Variants in MSI2 observed in about 807,000 individuals in gnomAD.
The protein encoded by MSI2 is RNA-binding protein Musashi homolog 2.
MSI2 carries 17 observed loss-of-function variants against 45.6 expected under a neutral mutation model. The ratio of observed to expected loss-of-function variants is 0.37; its 90% CI spans 0.26 to 0.56. The LOEUF is 0.56. Among genes scored for constraint, MSI2 ranks in the 20% least tolerant of loss-of-function variants. MSI2 has a pLI of 0.77. For missense variants in MSI2, 293 were observed against 444.2 expected, an observed-to-expected ratio of 0.66 and a Z score of 3.06; for synonymous variants, 156 against 158.2, an observed-to-expected ratio of 0.99 and a Z score of 0.11.
At chr17:57,350,225 GGTGTGTGTGT>G (rs58596259) in intron 5 of MSI2, among the ~76,000 whole-genome samples, 39 of 146,746 alleles carry the variant, frequency 2.7e-4, no homozygotes, top group African/African-American at 9.0e-4. Flanking sequence ...CAGAGGTAGG[GGTGTGTGTGT>G]GTGTGTGTGT....
At chr17:57,534,198 G>A (rs1174467423) in intron 7 of MSI2, among the ~76,000 whole-genome samples, 1 of 152,218 alleles carries the variant, frequency 6.6e-6, no homozygotes, top group East Asian at 1.9e-4. Context: ...TGGAGCTCAG[G>A]CTCTTACACT....
intron 6 of MSI2, among the ~76,000 whole-genome samples, chr17:57,435,968 G>A (rs1240618784): frequency 6.6e-6 from 1 of 152,222 alleles, no homozygotes; most frequent in African/African-American, 2.4e-5. Flanking sequence ...CCTTGAATAA[G>A]GGTCAGAGCC....
intron 6 of MSI2, chr17:57,450,292 A>AAAGAAAGT (rs2084985659): frequency 7.1e-6 from 1 of 140,532 alleles, no homozygotes; most frequent in African/African-American, 2.5e-5. Flanking sequence ...AGAAAGAAAG[A>AAAGAAAGT]AAGAAAGAAA....
intron 6 of MSI2, among the ~76,000 whole-genome samples, chr17:57,433,919 T>C (rs2084645793): frequency 1.3e-5 from 2 of 152,198 alleles, no homozygotes; most frequent in Admixed American, 1.3e-4. Flanking sequence ...GGAAATACAA[T>C]GTGATGTTTA....
In MSI2 at chr17:57,398,966, G is replaced by A. The variant is rs141177302; in HGVS notation, c.313-2413G>A. ...ATTAGAATGTAAGCTCCAGCACCTC[G>A]CACTTAATGTATCTGTTGAATGAAT... On this transcript the variant is annotated intron_variant, in intron 5 of 13. Coordinates refer to ENST00000284073, the MANE Select transcript of MSI2 (RefSeq NM_138962.4). 3.1e-3 allele frequency among the ~76,000 whole-genome samples: 477 copies of A among 152,106 alleles called. 2 individuals carry two copies. The highest frequency in any genetic ancestry group is 0.011 in the African/African-American group (453 of 41,468).
intron 5 of MSI2, chr17:57,286,064 T>TTCCC (rs1909849289): frequency 9.0e-7 from 1 of 1,107,084 alleles, no homozygotes; most frequent in South Asian, 1.9e-5. Context: ...CTTTCTGTCT[T>TTCCC]TCCCTCCCTT....
chr17:57,470,616 G>C (rs578097758), intron 6 of MSI2, among the ~76,000 whole-genome samples: 3 of 152,210 alleles, frequency 2.0e-5, no homozygotes. Flanking sequence ...TCCCCCAAAA[G>C]CTTCGCCCAG....
At chr17:57,515,425 G>C (rs1220924315) in intron 6 of MSI2, among the ~76,000 whole-genome samples, 2 of 152,254 alleles carry the variant, frequency 1.3e-5, no homozygotes, top group South Asian at 2.1e-4. Context: ...GGCTGGTCGT[G>C]AACTCCTGAC....
At position 57,575,944 on chromosome 17, in the gene MSI2, C is replaced by CAAAAA. The variant is rs34036311; in HGVS notation, c.455-20901_455-20897dup. ...TGGGCGACAGAGCGAGACTCCGTCTCAAAAAAAAAAAAAAAAAAAAAAAAA... is the reference window on the plus strand; with the variant it reads ...TGGGCGACAGAGCGAGACTCCGTCTCAAAAAAAAAAAAAAAAAAAAAAAAAAAAAA... On this transcript the variant is annotated intron_variant, in intron 7 of 13. Coordinates refer to ENST00000284073, the MANE Select transcript of MSI2 (RefSeq NM_138962.4). Among the ~76,000 whole-genome samples, 72 of 64,430 alleles carry CAAAAA rather than the reference C, an allele frequency of 1.1e-3. 1 individual carries two copies. Among genetic ancestry groups the CAAAAA allele is most frequent in the African/African-American group, 3.4e-3 (69 of 20,060 alleles). The allele number at this position is 64,430 out of a possible 152,430, so 42.3% of individuals were successfully genotyped here.
chr17:57,444,745 T>C (rs1003665629), intron 6 of MSI2: 1 of 152,226 alleles, frequency 6.6e-6, no homozygotes, highest in South Asian at 2.1e-4. Flanking sequence ...CAAGGCCTGG[T>C]GGCCCAGGTA....
chr17:57,570,352 G>C (rs2087844978), intron 7 of MSI2, among the ~76,000 whole-genome samples: 1 of 152,198 alleles, frequency 6.6e-6, no homozygotes, highest in Admixed American at 6.5e-5. Context: ...CAGTAAAGCA[G>C]TATTCATGGA....
chr17:57,672,071 G>C lies in MSI2; in HGVS notation c.791-2901G>C, dbSNP rs569771884. ...AGAACTGGGTGCTTATTGCCTGCTG[G>C]CTGCGCCCTCTAGTGGGGACCCAGC... On this transcript the variant is annotated intron_variant, in intron 11 of 13. Coordinates refer to ENST00000284073, the MANE Select transcript of MSI2 (RefSeq NM_138962.4). Among the ~76,000 whole-genome samples, 303 of 152,350 alleles carry C rather than the reference G, an allele frequency of 2.0e-3. 1 individual carries two copies. The highest frequency in any genetic ancestry group is 6.9e-3 in the African/African-American group (285 of 41,588).
chr17:57,669,518 T>C (rs1912622561), intron 11 of MSI2, among the ~76,000 whole-genome samples: 1 of 152,214 alleles, frequency 6.6e-6, no homozygotes, highest in Non-Finnish European at 1.5e-5. Context: ...CCTACGACTA[T>C]GGAGTTTTAA....
At chr17:57,646,882 C>T (rs1910706709) in intron 10 of MSI2, among the ~76,000 whole-genome samples, 1 of 152,040 alleles carries the variant, frequency 6.6e-6, no homozygotes, top group Admixed American at 6.6e-5. Context: ...ATTCCTAGTA[C>T]CTAAGTTCCA....
chr17:57,469,198 G>A (rs893070548), intron 6 of MSI2, among the ~76,000 whole-genome samples: 3 of 152,198 alleles, frequency 2.0e-5, no homozygotes, highest in Admixed American at 6.5e-5. Context: ...CTCGACTTCT[G>A]CCTCATCTTC....
At chr17:57,403,964 C>T (rs1296805126) in intron 6 of MSI2, among the ~76,000 whole-genome samples, 1 of 151,182 alleles carries the variant, frequency 6.6e-6, no homozygotes, top group African/African-American at 2.5e-5. Flanking sequence ...CACACACACA[C>T]TTGCATGAAG....
intron 6 of MSI2, among the ~76,000 whole-genome samples, chr17:57,455,238 G>T (rs1021180452): frequency 1.3e-5 from 2 of 152,082 alleles, no homozygotes; most frequent in African/African-American, 2.4e-5. Flanking sequence ...TGGTAACTTT[G>T]CACAAAAGAT....
At chr17:57,475,653 G>C (rs1467558301) in intron 6 of MSI2, among the ~76,000 whole-genome samples, 6 of 152,038 alleles carry the variant, frequency 3.9e-5, no homozygotes, top group Non-Finnish European at 7.4e-5. Flanking sequence ...TACCAAAAAT[G>C]TCTGCTAGTG....
chr17:57,548,738 T>C (rs918556949), intron 7 of MSI2, among the ~76,000 whole-genome samples: 4 of 152,090 alleles, frequency 2.6e-5, no homozygotes, highest in African/African-American at 9.7e-5. Flanking sequence ...CTCCACTTCA[T>C]GAAGCAAAGT....
Sources: gnomAD v4.1 joint callset for allele counts (sites outside exome capture counted in the v4.1 genomes callset) on GRCh38, gnomAD v4.1.1 for gene constraint, MANE v1.5 for transcripts, NCBI Gene and HGNC (gene_info 2026-07-23, HGNC 2026-07-21) for gene names.